WDR91: variants seen among roughly 807,000 people sequenced by gnomAD.
WDR91 encodes WD repeat domain 91, also known as WD repeat-containing protein 91.
Under a neutral mutation model 88.4 loss-of-function variants are expected in WDR91, and 52 were observed. The observed-to-expected ratio is 0.59, with a 90% confidence interval of 0.47 to 0.74. WDR91 has a LOEUF of 0.74. Among genes scored for constraint, WDR91 ranks in the 30% least tolerant of loss-of-function variants. The probability of loss-of-function intolerance (pLI) is 0.00; values close to 1 mark genes in which losing one functional copy is unlikely to be tolerated. For synonymous variants in WDR91, 362 were observed against 389.5 expected (o/e 0.93, Z 0.83); for missense variants, 824 against 954.5 (o/e 0.86, Z 1.80).
chr7:135,187,268 G>T, intron 13 of WDR91, 99 bp from the exon 14 acceptor site: 1 of 1,252,214 alleles, frequency 8.0e-7, no homozygotes, highest in Non-Finnish European at 1.1e-6. Flanking sequence ...GGCTGGCGAG[G>T]GCGACCCGCC....
At chr7:135,189,194 G>A (rs1831069759) in intron 12 of WDR91, 150 bp downstream of exon 12, 6 of 626,714 alleles carry the variant, frequency 9.6e-6, no homozygotes, top group Admixed American at 5.9e-5. Flanking sequence ...TTTTGAAAAC[G>A]TTGACCAAAG....
intron 5 of WDR91, among the ~76,000 whole-genome samples, chr7:135,205,015 G>C (rs763217865): frequency 6.6e-6 from 1 of 152,058 alleles, no homozygotes; most frequent in Non-Finnish European, 1.5e-5. Flanking sequence ...TGCAATACTT[G>C]GCTATGTGGA....
intron 12 of WDR91, among the ~76,000 whole-genome samples, chr7:135,188,761 A>C (rs1831049024): frequency 6.6e-6 from 1 of 152,162 alleles, no homozygotes; most frequent in African/African-American, 2.4e-5. Context: ...ACCAGGTCAG[A>C]AGTGAGGCTC....
intron 11 of WDR91, 44 bp downstream of exon 11, chr7:135,193,187 A>G: frequency 6.3e-7 from 1 of 1,597,352 alleles, no homozygotes; most frequent in East Asian, 2.2e-5. Context: ...GGGAATACAG[A>G]GTGTGTGCCT....
intron 6 of WDR91, 145 bp from the exon 7 acceptor site, chr7:135,198,296 AG>A: frequency 1.1e-6 from 1 of 939,410 alleles, no homozygotes; most frequent in Non-Finnish European, 1.5e-6. Context: ...TATGTAGGTG[AG>A]GTCATAGTCA....
chr7:135,186,765 G>A (rs777664825), intron 14 of WDR91, among the ~76,000 whole-genome samples: 1 of 152,246 alleles, frequency 6.6e-6, no homozygotes, highest in Non-Finnish European at 1.5e-5. Context: ...GAACAGTGCT[G>A]GCCACAGGGG....
intron 7 of WDR91, 65 bp downstream of exon 7, chr7:135,197,928 A>G (rs292582): frequency 0.99 from 1,540,808 of 1,554,772 alleles, 764,367 homozygotes; most frequent in East Asian, 1. Flanking sequence ...AGAAGAGAAG[A>G]CCCCCCACAG....
intron 1 of WDR91, 25 bp from the exon 2 acceptor site, chr7:135,209,780 G>A: frequency 6.5e-7 from 1 of 1,545,964 alleles, no homozygotes. Flanking sequence ...GGATGGAGAA[G>A]GTGGTAAGGG....
intron 12 of WDR91, among the ~76,000 whole-genome samples, 169 bp downstream of exon 12, chr7:135,189,175 C>T (rs540445739): frequency 1.3e-5 from 2 of 152,328 alleles, no homozygotes; most frequent in Admixed American, 6.5e-5. Context: ...GAGTTTATTA[C>T]GGTGGGTGTT....
rs575507336 is a variant in WDR91, at chr7:135,188,306, T to C, written c.1881+127A>G. 7.0e-6 allele frequency: 5 copies of C among 715,754 alleles called. No individual in the cohort carries two copies. In the East Asian group the frequency reaches 1.0e-4, roughly 14 times the overall value. 44.3% of individuals were successfully genotyped at this position (715,754 alleles called of 1,614,324 possible). ...AAGACGAATTACTAGTTTATCCCTA[T>C]TCTACAGATAACAAAGCTGCAAAAA... On this transcript the variant is annotated intron_variant, in intron 13 of 14. Coordinates refer to ENST00000354475, the MANE Select transcript of WDR91 (RefSeq NM_014149.4).
In WDR91 at chr7:135,196,074, C is replaced by CGGAGATG; in HGVS notation, c.1244+69_1244+70insCATCTCC. ...CCCATTCTCCGCCATCTCCTGCTGG[C>CGGAGATG]CACACCTCCACGTGTACTGCCTGAA... is the stretch of plus-strand genomic sequence containing the variant. On this transcript the variant is annotated intron_variant, in intron 8 of 14. Coordinates refer to ENST00000354475, the MANE Select transcript of WDR91 (RefSeq NM_014149.4). The surrounding 1 kb of genome is among the most constrained non-coding windows in gnomAD (Gnocchi z 4.2). 1 of 1,401,428 alleles carries CGGAGATG rather than the reference C, an allele frequency of 7.1e-7. No individual in the cohort carries two copies. The highest frequency in any genetic ancestry group is 9.5e-7 in the Non-Finnish European group (1 of 1,056,856). The allele number at this position is 1,401,428 out of a possible 1,614,324, so 86.8% of individuals were successfully genotyped here.
At chr7:135,186,389 C>G in intron 14 of WDR91, 74 bp from the exon 15 acceptor site, 3 of 1,494,186 alleles carry the variant, frequency 2.0e-6, no homozygotes, top group Non-Finnish European at 2.7e-6. Context: ...TTTCAGTGGC[C>G]TACCTGAGGA....
chr7:135,193,634 A>G lies in WDR91; in HGVS notation c.1434T>C (p.Tyr478=). ...LGSGVGTVRL[Y]DTEAKKNLCE... is the part of the protein sequence containing the mutation. Reference sequence around the variant, plus strand: ...AGAGATTCTTCTTGGCTTCCGTGTCATAGAGACGCACTGTTCCCACACCAC... The same window carrying G: ...AGAGATTCTTCTTGGCTTCCGTGTCGTAGAGACGCACTGTTCCCACACCAC... The change falls in exon 10 of 15, where the codon TAT becomes TAC. Residue 478 remains tyrosine, a synonymous_variant. Transcript: ENST00000354475. 4 of 1,614,164 alleles carry G rather than the reference A, an allele frequency of 2.5e-6. No homozygotes were observed. The highest frequency in any genetic ancestry group is 3.4e-6 in the Non-Finnish European group (4 of 1,180,008).
At position 135,205,575 on chromosome 7, in the gene WDR91, G is replaced by A. The variant is rs112550606; in HGVS notation, c.725+353C>T. The stretch of plus-strand genomic sequence containing the variant: ...GAGTTGGGACTAGCCTGGCCAATAC[G>A]ATGAAATCCCATCTCTACTAAAAAT... On this transcript the variant is annotated intron_variant, in intron 5 of 14. Transcript: ENST00000354475. 1.2e-4 allele frequency among the ~76,000 whole-genome samples: 18 copies of A among 152,272 alleles called. 1 individual carries two copies. In the East Asian group the frequency reaches 1.4e-3, roughly 11 times the overall value.
At chr7:135,197,134 C>T (rs1831404414) in intron 7 of WDR91, 1 of 152,138 alleles carries the variant, frequency 6.6e-6, no homozygotes, top group South Asian at 2.1e-4. Flanking sequence ...CTCAGAGAGG[C>T]AGGAGGAGGA....
intron 12 of WDR91, among the ~76,000 whole-genome samples, chr7:135,188,834 C>T (rs1831051819): frequency 6.6e-6 from 1 of 152,170 alleles, no homozygotes; most frequent in Admixed American, 6.5e-5. Flanking sequence ...TGAGAAACTC[C>T]CCTCTGTAAC....
chr7:135,208,867 G>A lies in WDR91; in HGVS notation c.435C>T (p.Thr145=). The A allele has an allele frequency of 1.2e-5, 20 of 1,614,166 alleles. No homozygotes were observed. The highest frequency in any genetic ancestry group is 1.6e-5 in the Non-Finnish European group (19 of 1,180,030). Residue 145 remains threonine (T), a synonymous_variant, in exon 3 of 15, where the codon ACC becomes ACT. Coordinates refer to ENST00000354475, the MANE Select transcript of WDR91 (RefSeq NM_014149.4). ...TGTCAGCCCACTGTCGAGAAAAGTAGGTAGCAAAGGTGGGGTTGGTGTCCG... is the reference window on the plus strand; with the variant it reads ...TGTCAGCCCACTGTCGAGAAAAGTAAGTAGCAAAGGTGGGGTTGGTGTCCG... ...PSPDTNPTFA[T]YFSRQWADTF... is the part of the protein sequence containing the mutation.
rs772085869 is a variant in WDR91, at chr7:135,196,079, C to T, written c.1244+65G>A. ...TCTCCGCCATCTCCTGCTGGCCACA[C>T]CTCCACGTGTACTGCCTGAAAATCT... is the stretch of plus-strand genomic sequence containing the variant. On this transcript the variant is annotated intron_variant, in intron 8 of 14. Transcript: ENST00000354475. The surrounding 1 kb of genome is among the most constrained non-coding windows in gnomAD (Gnocchi z 4.2). 2 of 1,420,694 alleles carry T rather than the reference C, an allele frequency of 1.4e-6. No homozygotes were observed. Among genetic ancestry groups the T allele is most frequent in the Admixed American group, 5.1e-5 (2 of 38,948 alleles). 88.0% of individuals were successfully genotyped at this position (1,420,694 alleles called of 1,614,324 possible).
rs745447397 is a variant in WDR91, at chr7:135,193,304, T to C, written c.1586A>G (p.Asp529Gly). Reference protein sequence around the residue: ...LTSQVDFSAPDIGSKGMNQVP... With the variant: ...LTSQVDFSAPGIGSKGMNQVP... ...CTGGTTCATGCCCTTGCTGCCGATG[T>C]CTGGTGCTGAGAAGTCCACCTGGGA... Residue 529 changes from aspartate to glycine, a missense_variant, in exon 11 of 15, where the codon GAC (aspartate) becomes GGC (glycine). Coordinates refer to ENST00000354475, the MANE Select transcript of WDR91 (RefSeq NM_014149.4). 27 of 1,614,094 alleles carry C rather than the reference T, an allele frequency of 1.7e-5. No homozygotes were observed. Among genetic ancestry groups the C allele is most frequent in the Non-Finnish European group, 2.1e-5 (25 of 1,180,046 alleles).
Sources: gnomAD v4.1 joint callset for allele counts (sites outside exome capture counted in the v4.1 genomes callset) on GRCh38, gnomAD v4.1.1 for gene constraint, Gnocchi (gnomAD v3.1) non-coding constraint, MANE v1.5 for transcripts, NCBI Gene and HGNC (gene_info 2026-07-23, HGNC 2026-07-21) for gene names.